The following AHI1 variants were observed in gnomAD, a reference collection of about 807,000 sequenced individuals.
AHI1 encodes jouberin.
AHI1 carries 123 observed loss-of-function variants against 149.3 expected under a neutral mutation model. That is an observed-to-expected ratio of 0.82 (90% CI 0.71 to 0.96). AHI1 has a LOEUF of 0.96. Among genes scored for constraint, AHI1 ranks in the 40% least tolerant of loss-of-function variants. AHI1 has a pLI of 0.00. For missense variants in AHI1, 1,439 were observed against 1,422.7 expected (o/e 1.01, Z -0.18); for synonymous variants, 475 against 459.8 (o/e 1.03, Z -0.42).
intron 24 of AHI1, among the ~76,000 whole-genome samples, chr6:135,331,462 T>C (rs748534341): frequency 1.3e-5 from 2 of 152,202 alleles, no homozygotes; most frequent in African/African-American, 4.8e-5. Context: ...CATTTCTTGA[T>C]TTAGGCAGAG....
intron 5 of AHI1, among the ~76,000 whole-genome samples, chr6:135,482,206 A>G (rs1187871129): frequency 3.3e-5 from 5 of 152,116 alleles, no homozygotes; most frequent in Non-Finnish European, 7.4e-5. Context: ...ATATTGTCCT[A>G]TAGGTCATTG....
At chr6:135,364,724 C>T (rs963101325) in intron 23 of AHI1, among the ~76,000 whole-genome samples, 1 of 152,174 alleles carries the variant, frequency 6.6e-6, no homozygotes, top group African/African-American at 2.4e-5. Flanking sequence ...TCCCCGTCTC[C>T]ACCAAAAAAA....
At chr6:135,327,810 G>C (rs1017907939) in intron 24 of AHI1, among the ~76,000 whole-genome samples, 1 of 152,168 alleles carries the variant, frequency 6.6e-6, no homozygotes, top group Non-Finnish European at 1.5e-5. Context: ...TGGGTTAGCA[G>C]AGCTTCCAAA....
chr6:135,490,285 G>C, intron 5 of AHI1: 1 of 710,186 alleles, frequency 1.4e-6, no homozygotes, highest in East Asian at 2.7e-5. Context: ...AATATCTGAA[G>C]TTAAGATACT....
intron 23 of AHI1, among the ~76,000 whole-genome samples, chr6:135,380,604 G>A (rs975293078): frequency 5.6e-4 from 85 of 152,044 alleles, no homozygotes; most frequent in South Asian, 4.2e-4. Flanking sequence ...TCACTGATAC[G>A]TTCAGAGCAT....
intron 14 of AHI1, among the ~76,000 whole-genome samples, chr6:135,440,445 A>C (rs1401949040): frequency 6.6e-6 from 1 of 152,206 alleles, no homozygotes; most frequent in East Asian, 1.9e-4. Context: ...GACACTGATA[A>C]ACTCCAAAAT....
At chr6:135,442,061 GAACAGTA>G (rs1328156536) in intron 14 of AHI1, among the ~76,000 whole-genome samples, 1 of 152,110 alleles carries the variant, frequency 6.6e-6, no homozygotes, top group Non-Finnish European at 1.5e-5. Context: ...TCTAAGTCTA[GAACAGTA>G]TGATAATGCT....
intron 13 of AHI1, among the ~76,000 whole-genome samples, chr6:135,444,207 G>A (rs1227882338): frequency 1.3e-5 from 2 of 152,034 alleles, no homozygotes; most frequent in Non-Finnish European, 2.9e-5. Flanking sequence ...ATCAATGACT[G>A]CCATCTAATT....
At position 135,455,506 on chromosome 6, in the gene AHI1, T is replaced by C. The variant is rs1220747681; in HGVS notation, c.1344+228A>G. ...CAGAGCTGTTGTAATTATTAAATTA[T>C]ACAAAGTAGGCCAAATGGTTAAATA... On this transcript the variant is annotated intron_variant, in intron 10 of 28. Transcript: ENST00000265602. 3.3e-5 allele frequency among the ~76,000 whole-genome samples: 5 copies of C among 152,200 alleles called. No homozygotes were observed. In the East Asian group the frequency reaches 9.6e-4, roughly 29 times the overall value.
chr6:135,479,645 G>C lies in AHI1; in HGVS notation c.135+10978C>G, dbSNP rs528656725. Among the ~76,000 whole-genome samples the C allele has an allele frequency of 3.9e-5, 6 of 152,118 alleles. No homozygotes were observed. In the East Asian group the frequency reaches 1.2e-3, roughly 29 times the overall value. ...TTGCCTTGTGACAGATGAGATTTTG[G>C]ACTGTGGAATTTCGGGTTCATGTTG... On this transcript the variant is annotated intron_variant, in intron 5 of 28. Transcript: ENST00000265602.
chr6:135,309,762 G>A (rs1328445190), intron 26 of AHI1, among the ~76,000 whole-genome samples: 2 of 152,100 alleles, frequency 1.3e-5, no homozygotes, highest in Non-Finnish European at 2.9e-5. Context: ...GATTACAGAC[G>A]TGAGCCACCG....
chr6:135,310,871 T>C (rs1372677119), intron 26 of AHI1, among the ~76,000 whole-genome samples: 1 of 152,146 alleles, frequency 6.6e-6, no homozygotes, highest in Admixed American at 6.5e-5. Flanking sequence ...TTTACTACTT[T>C]GGGTTTTGTT....
chr6:135,301,190 TA>T (rs1783835018), intron 26 of AHI1: 1 of 982,720 alleles, frequency 1.0e-6, no homozygotes, highest in African/African-American at 1.7e-5. Context: ...ATATAATCTA[TA>T]AATCAACCTA....
At chr6:135,354,178 G>A (rs1292039075) in intron 24 of AHI1, among the ~76,000 whole-genome samples, 1 of 151,936 alleles carries the variant, frequency 6.6e-6, no homozygotes, top group Admixed American at 6.6e-5. Flanking sequence ...TCTCTCTACC[G>A]GGGTTACAGG....
At chr6:135,371,838 C>T (rs950417067) in intron 23 of AHI1, among the ~76,000 whole-genome samples, 2 of 152,080 alleles carry the variant, frequency 1.3e-5, no homozygotes, top group African/African-American at 2.4e-5. Flanking sequence ...TTGTTCTACT[C>T]GGTGTTGAGC....
chr6:135,378,678 A>G (rs1776283838), intron 23 of AHI1, among the ~76,000 whole-genome samples: 1 of 152,236 alleles, frequency 6.6e-6, no homozygotes, highest in Non-Finnish European at 1.5e-5. Flanking sequence ...TAGATTAACA[A>G]TAGATTAACA....
At chr6:135,472,812 C>T (rs557668658) in intron 5 of AHI1, among the ~76,000 whole-genome samples, 61 of 152,172 alleles carry the variant, frequency 4.0e-4, no homozygotes, top group African/African-American at 1.5e-3. Context: ...GTGTCCAAAT[C>T]TTTTGCCCTT....
chr6:135,414,964 TC>T (rs1256191330), intron 20 of AHI1, among the ~76,000 whole-genome samples: 3 of 50,992 alleles, frequency 5.9e-5, no homozygotes, highest in Admixed American at 2.7e-4. Context: ...CCCTCCCCCC[TC>T]CCCCCACCCC....
At chr6:135,467,045 A>G (rs1790877427) in intron 6 of AHI1, among the ~76,000 whole-genome samples, 2 of 152,332 alleles carry the variant, frequency 1.3e-5, no homozygotes, top group South Asian at 2.1e-4. Context: ...AGGATGACCA[A>G]TCGAGGAGCT....
Sources: allele counts gnomAD v4.1 joint callset (sites outside exome capture counted in the v4.1 genomes callset), GRCh38; gene constraint gnomAD v4.1.1; transcripts MANE v1.5; gene names NCBI Gene and HGNC (gene_info 2026-07-23, HGNC 2026-07-21).